Variants in DOCK9 observed in about 807,000 individuals in gnomAD.
DOCK9 encodes the protein dedicator of cytokinesis 9.
Under a neutral mutation model 263.3 loss-of-function variants are expected in DOCK9, and 89 were observed. The observed-to-expected ratio is 0.34, with a 90% confidence interval of 0.28 to 0.40. DOCK9 has a LOEUF of 0.40. Among genes scored for constraint, DOCK9 ranks in the 10% least tolerant of loss-of-function variants. The pLI, the probability that DOCK9 is intolerant of heterozygous loss-of-function variation, is 1.00. For synonymous variants in DOCK9, 976 were observed against 973.1 expected, an observed-to-expected ratio of 1.00 and a Z score of -0.06; for missense variants, 2,140 against 2,603.4, an observed-to-expected ratio of 0.82 and a Z score of 3.87.
intron 3 of DOCK9, among the ~76,000 whole-genome samples, chr13:98,929,488 T>C (rs2053578128): frequency 6.6e-6 from 1 of 152,058 alleles, no homozygotes; most frequent in Non-Finnish European, 1.5e-5. Flanking sequence ...GAGGTTGCAG[T>C]GAGCCAAGAT....
chr13:98,873,536 T>C (rs1171954893), intron 27 of DOCK9, among the ~76,000 whole-genome samples: 4 of 152,228 alleles, frequency 2.6e-5, no homozygotes, highest in Non-Finnish European at 5.9e-5. Flanking sequence ...GGTACCGTCA[T>C]GGCTAACTCT....
At chr13:98,859,753 G>GTATATATATATATATATATATATA (rs59435896) in intron 33 of DOCK9, 1 of 132,488 alleles carries the variant, frequency 7.5e-6, no homozygotes, top group Admixed American at 7.6e-5. Context: ...GTGTGTGTGT[G>GTATATATATATATATATATATATA]TATATATATA....
chr13:99,040,474 A>G (rs1240128893), intron 1 of DOCK9, among the ~76,000 whole-genome samples: 2 of 152,144 alleles, frequency 1.3e-5, no homozygotes, highest in Non-Finnish European at 2.9e-5. Context: ...AGAAACCAAC[A>G]ATATCATAGT....
upstream of DOCK9, among the ~76,000 whole-genome samples, chr13:98,981,155 C>T (rs146605012): frequency 7.1e-4 from 107 of 151,658 alleles, no homozygotes; most frequent in African/African-American, 2.3e-3. Flanking sequence ...CTCCTGGGCT[C>T]ATGCAATCCT....
At chr13:98,807,265 C>T (rs1001386994) in intron 48 of DOCK9, among the ~76,000 whole-genome samples, 17 of 152,200 alleles carry the variant, frequency 1.1e-4, no homozygotes, top group African/African-American at 3.4e-4. Context: ...TGTCCATTCA[C>T]CCATCCGCCC....
intron 1 of DOCK9, among the ~76,000 whole-genome samples, chr13:99,042,574 A>G (rs2142138910): frequency 6.6e-6 from 1 of 152,356 alleles, no homozygotes. Context: ...GAGGTGCCTA[A>G]GGGACATCTG....
intron 30 of DOCK9, among the ~76,000 whole-genome samples, chr13:98,866,057 TC>T (rs2142028092): frequency 6.6e-6 from 1 of 152,228 alleles, no homozygotes; most frequent in East Asian, 1.9e-4. Context: ...AGAAAAAGTC[TC>T]CCCCAGATAT....
chr13:99,035,136 A>G (rs1357113799), intron 1 of DOCK9, among the ~76,000 whole-genome samples: 1 of 151,964 alleles, frequency 6.6e-6, no homozygotes, highest in Non-Finnish European at 1.5e-5. Context: ...ACGTGCTTTA[A>G]GATGCAGAAG....
rs775838517 is a variant in DOCK9 at position 99,072,883 on chromosome 13, A to G, written c.129+13340T>C. Among the ~76,000 whole-genome samples, 6 of 152,162 alleles carry G rather than the reference A, an allele frequency of 3.9e-5. No individual in the cohort carries two copies. In the South Asian group the frequency reaches 6.2e-4, roughly 16 times the overall value. On this transcript the variant is annotated intron_variant, in intron 1 of 32. Transcript: ENST00000427887. ...CATCATGGCACACACTTATAGTCCC[A>G]GCTACTTGCAAGGCTGAAGATGGGA...
intron 20 of DOCK9, 156 bp from the exon 21 acceptor site, chr13:98,885,248 A>G (rs957269397): frequency 9.6e-7 from 1 of 1,041,434 alleles, no homozygotes; most frequent in African/African-American, 1.6e-5. Flanking sequence ...TCTGCAGAAC[A>G]TTGTCTACAA....
intron 2 of DOCK9, among the ~76,000 whole-genome samples, chr13:98,936,557 C>A: frequency 6.6e-6 from 1 of 150,560 alleles, no homozygotes; most frequent in South Asian, 2.1e-4. Flanking sequence ...AAGTTCGAGG[C>A]TGCAGTGAGC....
chr13:98,928,598 A>G (rs1465406847), intron 3 of DOCK9, among the ~76,000 whole-genome samples: 1 of 152,254 alleles, frequency 6.6e-6, no homozygotes, highest in Non-Finnish European at 1.5e-5. Flanking sequence ...TTTAAAACAT[A>G]GGTCAACAAA....
At chr13:98,986,058 G>C (rs1878381715) in intron 1 of DOCK9, among the ~76,000 whole-genome samples, 1 of 152,200 alleles carries the variant, frequency 6.6e-6, no homozygotes, top group Non-Finnish European at 1.5e-5. Flanking sequence ...AAGCGCTCAA[G>C]TTTTCCTTTC....
At chr13:98,960,710 G>A (rs1214325613) in intron 1 of DOCK9, among the ~76,000 whole-genome samples, 4 of 152,168 alleles carry the variant, frequency 2.6e-5, no homozygotes, top group South Asian at 2.1e-4. Flanking sequence ...GGTTACAAAC[G>A]TAAATTCTGA....
chr13:98,911,429 G>C (rs779070038), intron 9 of DOCK9, among the ~76,000 whole-genome samples: 5 of 151,790 alleles, frequency 3.3e-5, no homozygotes, highest in African/African-American at 4.8e-5. Context: ...TCCCAAAATA[G>C]GTACATTATA....
chr13:98,861,155 T>A (rs2093857290), intron 32 of DOCK9, among the ~76,000 whole-genome samples: 1 of 152,196 alleles, frequency 6.6e-6, no homozygotes, highest in South Asian at 2.1e-4. Context: ...AAATGTAATG[T>A]TGTACAGGGT....
At chr13:99,072,899 G>C (rs1163026019) in intron 1 of DOCK9, among the ~76,000 whole-genome samples, 1 of 152,174 alleles carries the variant, frequency 6.6e-6, no homozygotes, top group Non-Finnish European at 1.5e-5. Context: ...TTGCAAGGCT[G>C]AAGATGGGAG....
intron 1 of DOCK9, among the ~76,000 whole-genome samples, chr13:99,033,443 G>A (rs115762971): frequency 9.8e-5 from 15 of 152,326 alleles, no homozygotes; most frequent in East Asian, 1.9e-4. Context: ...GGGAATGCCC[G>A]TGGGTGACGG....
At chr13:98,947,322 A>G (rs1467279456) in intron 2 of DOCK9, among the ~76,000 whole-genome samples, 2 of 152,200 alleles carry the variant, frequency 1.3e-5, no homozygotes, top group East Asian at 1.9e-4. Flanking sequence ...AAGAATAAAC[A>G]TAAGTTAAAT....
Sources: allele counts gnomAD v4.1 joint callset (sites outside exome capture counted in the v4.1 genomes callset), GRCh38; gene constraint gnomAD v4.1.1; transcripts MANE v1.5; gene names NCBI Gene and HGNC (gene_info 2026-07-23, HGNC 2026-07-21).